The following SPSB4 variants were observed in gnomAD, a reference collection of about 807,000 sequenced individuals.
SPSB4 encodes the protein splA/ryanodine receptor domain and SOCS box containing 4, also known as SPRY domain-containing SOCS box protein 4.
A neutral mutation model predicts 20.9 loss-of-function variants in SPSB4; 21 were observed. The observed-to-expected ratio is 1.01, with a 90% CI of 0.71 to 1.45. The LOEUF (loss-of-function observed/expected upper bound fraction) is 1.45, where lower values mean the gene tolerates loss of function less well. SPSB4 is among the 40% of genes most tolerant of loss of function. SPSB4 has a pLI of 0.00. For synonymous variants in SPSB4, 207 were observed against 183.8 expected, an observed-to-expected ratio of 1.13 and a Z score of -1.02; for missense variants, 399 against 399.2, an observed-to-expected ratio of 1.00 and a Z score of 0.00.
At chr3:141,104,515 G>A (rs1201094094) in intron 2 of SPSB4, among the ~76,000 whole-genome samples, 1 of 152,246 alleles carries the variant, frequency 6.6e-6, no homozygotes, top group Non-Finnish European at 1.5e-5. Flanking sequence ...CTGCATGGCA[G>A]ATGGCTGGGG....
At chr3:141,093,183 CG>C (rs1938488084) in intron 2 of SPSB4, among the ~76,000 whole-genome samples, 1 of 151,864 alleles carries the variant, frequency 6.6e-6, no homozygotes, top group Non-Finnish European at 1.5e-5. Flanking sequence ...TGCAGGGAGA[CG>C]AAATGGTTCT....
chr3:141,052,266 G>A (rs1309329678), intron 1 of SPSB4, among the ~76,000 whole-genome samples: 8 of 152,182 alleles, frequency 5.3e-5, no homozygotes, highest in Non-Finnish European at 8.8e-5. Context: ...CGATTCACCC[G>A]CTTTGGTTTG....
At chr3:141,131,554 T>TTCA (rs906274878) in intron 2 of SPSB4, among the ~76,000 whole-genome samples, 1 of 150,648 alleles carries the variant, frequency 6.6e-6, no homozygotes, top group Admixed American at 6.6e-5. Context: ...CTGCCCTAAC[T>TTCA]TCATCACCTT....
At position 141,066,069 on chromosome 3, in the gene SPSB4, C is replaced by T. The variant is rs936477113; in HGVS notation, c.-36C>T. 6.1e-6 allele frequency: 9 copies of T among 1,467,798 alleles called. No individual in the cohort carries two copies. The highest frequency in any genetic ancestry group is 8.1e-6 in the Non-Finnish European group (9 of 1,116,212). 90.9% of individuals were successfully genotyped at this position (1,467,798 alleles called of 1,614,324 possible). A position where few individuals can be genotyped will look rare whatever the true frequency, so the allele number is the denominator to read the frequency against. On this transcript the variant is annotated 5_prime_UTR_variant, in exon 2 of 3. Coordinates refer to ENST00000310546, the MANE Select transcript of SPSB4 (RefSeq NM_080862.3). ...GGGAGTGGAGGCTCCCACGAGGTAG[C>T]GGTGGCCTGCAGCGGCCTCCTCCCC...
chr3:141,051,813 C>A lies in SPSB4; in HGVS notation c.-333C>A, dbSNP rs1166343938. 1 of 152,088 alleles carries A rather than the reference C, an allele frequency of 6.6e-6. No homozygotes were observed. The highest frequency in any genetic ancestry group is 1.5e-5 in the Non-Finnish European group (1 of 68,064). The allele number at this position is 152,088 out of a possible 1,614,324, so 9.4% of individuals were successfully genotyped here. A position where few individuals can be genotyped will look rare whatever the true frequency, so the allele number is the denominator to read the frequency against. On this transcript the variant is annotated 5_prime_UTR_variant, in exon 1 of 3. Coordinates refer to ENST00000310546, the MANE Select transcript of SPSB4 (RefSeq NM_080862.3). The stretch of plus-strand genomic sequence containing the variant: ...AGGCCATCCTGCAGCGCAGAGGGGG[C>A]GCTGCTGCCGGGCATCAGCCGTGAG...
At chr3:141,055,394 A>G (rs1937619573) in intron 1 of SPSB4, among the ~76,000 whole-genome samples, 1 of 152,098 alleles carries the variant, frequency 6.6e-6, no homozygotes, top group Non-Finnish European at 1.5e-5. Flanking sequence ...GACTGGTCTG[A>G]GGTGGGCCGT....
At chr3:141,102,583 G>A (rs1475289302) in intron 2 of SPSB4, among the ~76,000 whole-genome samples, 5 of 152,182 alleles carry the variant, frequency 3.3e-5, no homozygotes, top group Non-Finnish European at 7.3e-5. Flanking sequence ...CAAAGGCCCT[G>A]TGGCAAGAGG....
intron 2 of SPSB4, among the ~76,000 whole-genome samples, chr3:141,142,803 CTTTTTTTTTTT>C (rs57674247): frequency 3.2e-4 from 20 of 62,032 alleles, no homozygotes; most frequent in African/African-American, 6.0e-4. Flanking sequence ...CCCTCTTTGT[CTTTTTTTTTTT>C]TTTTTTTTTT....
intron 2 of SPSB4, among the ~76,000 whole-genome samples, chr3:141,082,972 G>A (rs1938268081): frequency 6.6e-6 from 1 of 152,064 alleles, no homozygotes; most frequent in Non-Finnish European, 1.5e-5. Context: ...TCAGATTTGG[G>A]TTTAAGGCCA....
intron 2 of SPSB4, among the ~76,000 whole-genome samples, chr3:141,095,448 T>C (rs1239264943): frequency 6.6e-6 from 1 of 152,156 alleles, no homozygotes; most frequent in African/African-American, 2.4e-5. Flanking sequence ...CTCACCCACC[T>C]GCTCCCTTCC....
rs1939052726 is a variant in SPSB4 at position 141,126,569 on chromosome 3, AT to A, written c.695-20571del. On this transcript the variant is annotated intron_variant, in intron 2 of 2. Transcript: ENST00000310546. ...ATTTTTCGAAGGACACCATCTGCCC[AT>A]TGTATCAACCCCAGAGGATCTTCTT... Among the ~76,000 whole-genome samples the A allele has an allele frequency of 2.0e-5, 3 of 152,178 alleles. 1 individual carries two copies. The highest frequency in any genetic ancestry group is 4.4e-5 in the Non-Finnish European group (3 of 68,040).
At chr3:141,081,849 C>T (rs59870469) in intron 2 of SPSB4, among the ~76,000 whole-genome samples, 25,099 of 152,120 alleles carry the variant, frequency 0.16, 2,462 homozygotes, top group East Asian at 0.25. Flanking sequence ...AAGGCCTGGA[C>T]GGCGTTAGGG....
At chr3:141,078,287 C>A (rs896391738) in intron 2 of SPSB4, among the ~76,000 whole-genome samples, 1 of 152,248 alleles carries the variant, frequency 6.6e-6, no homozygotes. Context: ...GAATCAGAAA[C>A]CCTTGCAGTG....
chr3:141,076,249 T>C (rs1553738519), intron 2 of SPSB4, among the ~76,000 whole-genome samples: 1 of 152,168 alleles, frequency 6.6e-6, no homozygotes, highest in Non-Finnish European at 1.5e-5. Flanking sequence ...TTGGCCCTGC[T>C]CCCGACAAGG....
chr3:141,104,343 T>A (rs763243897), intron 2 of SPSB4, among the ~76,000 whole-genome samples: 4 of 152,072 alleles, frequency 2.6e-5, no homozygotes, highest in African/African-American at 4.8e-5. Flanking sequence ...AGAAAGTACA[T>A]GAGACTGGCA....
intron 2 of SPSB4, among the ~76,000 whole-genome samples, chr3:141,076,550 C>T (rs998260857): frequency 1.3e-5 from 2 of 152,232 alleles, no homozygotes; most frequent in African/African-American, 4.8e-5. Context: ...TGTCAGCACC[C>T]TATGCAGCAT....
intron 2 of SPSB4, among the ~76,000 whole-genome samples, chr3:141,133,314 T>C (rs553083083): frequency 2.0e-5 from 3 of 152,332 alleles, no homozygotes; most frequent in South Asian, 4.1e-4. Flanking sequence ...CCCATCTACT[T>C]ATCTTTGTTT....
chr3:141,130,191 T>C (rs1037947779), intron 2 of SPSB4, among the ~76,000 whole-genome samples: 2 of 152,172 alleles, frequency 1.3e-5, no homozygotes, highest in Non-Finnish European at 2.9e-5. Context: ...GATTGACACC[T>C]AACAGATGCA....
At chr3:141,138,534 G>A (rs921096389) in intron 2 of SPSB4, among the ~76,000 whole-genome samples, 1 of 152,088 alleles carries the variant, frequency 6.6e-6, no homozygotes, top group Non-Finnish European at 1.5e-5. Flanking sequence ...GATATGTTGT[G>A]TCTTTGTTCT....
Sources: gnomAD v4.1 joint callset for allele counts (sites outside exome capture counted in the v4.1 genomes callset) on GRCh38, gnomAD v4.1.1 for gene constraint, MANE v1.5 for transcripts, NCBI Gene and HGNC (gene_info 2026-07-23, HGNC 2026-07-21) for gene names.